PNLDC1: variants seen among roughly 807,000 people sequenced by gnomAD.
The protein encoded by PNLDC1 is PARN like ribonuclease domain containing exonuclease 1, also known as poly(A)-specific ribonuclease PNLDC1.
PNLDC1 carries 70 observed loss-of-function variants against 82.0 expected under a neutral mutation model. The observed-to-expected ratio is 0.85, with a 90% confidence interval of 0.70 to 1.04. The LOEUF (loss-of-function observed/expected upper bound fraction) is 1.04. Among genes scored for constraint, PNLDC1 ranks in the 50% least tolerant of loss-of-function variants. PNLDC1 has a pLI of 0.00. For missense variants in PNLDC1, 631 were observed against 661.1 expected (o/e 0.95, Z 0.50); for synonymous variants, 280 against 249.3 (o/e 1.12, Z -1.16).
At chr6:159,803,697 G>A (rs1448636288) in intron 4 of PNLDC1, among the ~76,000 whole-genome samples, 1 of 152,178 alleles carries the variant, frequency 6.6e-6, no homozygotes, top group East Asian at 1.9e-4. Flanking sequence ...GAGCAGTTGA[G>A]GGTGCCAGCC....
In PNLDC1 at chr6:159,819,147, C is replaced by G. The variant is rs189118089; in HGVS notation, c.1433+26C>G. ...GTAGGTGCCTCTAAGTCCGCGTCCC[C>G]CACCCCTCGTGCGTTCATCCCTGTA... On this transcript the variant is annotated intron_variant, in intron 17 of 18. Transcript: ENST00000392167. This position sits in a 1 kb window ranked among gnomAD's most constrained non-coding sequence, Gnocchi z 4.6. The G allele has an allele frequency of 1.9e-6, 3 of 1,611,904 alleles. No homozygotes were observed. Among genetic ancestry groups the G allele is most frequent in the South Asian group, 1.1e-5 (1 of 90,992 alleles).
At chr6:159,800,252 GGCAGCAC>G (rs1781184841), upstream of PNLDC1, 2 of 790,858 alleles carry the variant, frequency 2.5e-6, no homozygotes, top group African/African-American at 1.2e-4. Context: ...GAAGCGCGTG[GGCAGCAC>G]GTGGGCAGCA....
At chr6:159,805,198 T>G (rs753922764) in intron 6 of PNLDC1, among the ~76,000 whole-genome samples, 9 of 152,178 alleles carry the variant, frequency 5.9e-5, no homozygotes, top group Non-Finnish European at 1.0e-4. Context: ...CAAAACCTCG[T>G]ATTCCTGTAG....
chr6:159,806,354 G>A (rs1781446122), intron 7 of PNLDC1, among the ~76,000 whole-genome samples: 1 of 152,154 alleles, frequency 6.6e-6, no homozygotes, highest in South Asian at 2.1e-4. Flanking sequence ...TTCAGTCCTG[G>A]GTGCCCTGTA....
In PNLDC1 at chr6:159,806,066, CT is replaced by C; in HGVS notation, c.546del (p.Leu183PhefsTer16). The C allele has an allele frequency of 6.2e-7, 1 of 1,613,870 alleles. No individual in the cohort carries two copies. ...CTGGCCAAGGAAGGCGACTGGATGA[CT>C]CTTCCTGGGATCACTGGTAGGCAGG... ...LELAKEGDWM[T>X]LPGITGFQAF... On this transcript the variant is annotated frameshift_variant, in exon 7 of 19. Transcript: ENST00000392167. LOFTEE classifies it high-confidence loss of function.
intron 7 of PNLDC1, among the ~76,000 whole-genome samples, chr6:159,806,849 A>G (rs1046067687): frequency 1.3e-5 from 2 of 151,878 alleles, no homozygotes; most frequent in African/African-American, 4.8e-5. Flanking sequence ...GTGTCAAGGA[A>G]AAGTGCTTGT....
At chr6:159,816,952 A>G (rs1781855712) in intron 14 of PNLDC1, among the ~76,000 whole-genome samples, 157 bp from the exon 15 acceptor site, 1 of 152,232 alleles carries the variant, frequency 6.6e-6, no homozygotes, top group African/African-American at 2.4e-5. Flanking sequence ...GGCATGAGCC[A>G]CCACACCCAG....
upstream of PNLDC1, among the ~76,000 whole-genome samples, chr6:159,799,897 G>C (rs925792357): frequency 2.0e-5 from 3 of 152,166 alleles, no homozygotes; most frequent in African/African-American, 7.2e-5. Context: ...ACCGTGAGCC[G>C]CAGCAAAGGA....
intron 10 of PNLDC1, among the ~76,000 whole-genome samples, chr6:159,810,828 CAATG>C (rs1249487657): frequency 7.2e-5 from 11 of 152,162 alleles, no homozygotes; most frequent in Admixed American, 2.6e-4. Flanking sequence ...CCCCAAGAAA[CAATG>C]AAACACCTGA....
At chr6:159,815,924 T>C (rs1203496277) in intron 12 of PNLDC1, 45 bp from the exon 13 acceptor site, 2 of 1,473,810 alleles carry the variant, frequency 1.4e-6, no homozygotes, top group Non-Finnish European at 1.9e-6. Context: ...AAGAAGGGAT[T>C]ACTTTCAGCA....
chr6:159,812,398 A>G (rs1241086983), intron 11 of PNLDC1, among the ~76,000 whole-genome samples: 1 of 152,192 alleles, frequency 6.6e-6, no homozygotes, highest in Non-Finnish European at 1.5e-5. Context: ...CAACAGAACA[A>G]CTTATTTTAG....
At chr6:159,800,580 T>C (rs979142139) in intron 1 of PNLDC1, 192 bp from the exon 2 acceptor site, 65 of 1,472,016 alleles carry the variant, frequency 4.4e-5, no homozygotes, top group Non-Finnish European at 5.8e-5. Flanking sequence ...CGTCCCTTGT[T>C]GGCCAGAGCC....
intron 4 of PNLDC1, 153 bp downstream of exon 4, chr6:159,803,463 C>G: frequency 1.5e-6 from 1 of 657,280 alleles, no homozygotes; most frequent in East Asian, 2.7e-5. Flanking sequence ...CTGCCCTCTG[C>G]GGATTCCAGC....
intron 5 of PNLDC1, 108 bp from the exon 6 acceptor site, chr6:159,804,441 A>G: frequency 1.3e-6 from 1 of 775,382 alleles, no homozygotes. Context: ...GAACTGGCTT[A>G]TACAGCCCGT....
At chr6:159,800,115 C>G (rs760829635), upstream of PNLDC1, 10 of 529,296 alleles carry the variant, frequency 1.9e-5, no homozygotes, top group East Asian at 1.2e-4. Flanking sequence ...TGTAGCAAAT[C>G]GTACAATTAA....
upstream of PNLDC1, chr6:159,800,166 G>C (rs1193035256): frequency 4.3e-6 from 3 of 701,602 alleles, no homozygotes; most frequent in African/African-American, 5.4e-5. Context: ...GCAGCACACG[G>C]GGAAGCTGGG....
chr6:159,818,171 G>C (rs1781899105), intron 15 of PNLDC1, among the ~76,000 whole-genome samples: 1 of 152,252 alleles, frequency 6.6e-6, no homozygotes, highest in African/African-American at 2.4e-5. Flanking sequence ...GGCAGTGGGA[G>C]GAGGCTGTGG....
intron 7 of PNLDC1, among the ~76,000 whole-genome samples, chr6:159,806,659 CT>C (rs1264990776): frequency 6.6e-6 from 1 of 152,198 alleles, no homozygotes; most frequent in Non-Finnish European, 1.5e-5. Flanking sequence ...ACCACTTACT[CT>C]CAGTTAAAAA....
At chr6:159,818,832 T>A in intron 16 of PNLDC1, 114 bp from the exon 17 acceptor site, 3 of 1,320,762 alleles carry the variant, frequency 2.3e-6, no homozygotes, top group Non-Finnish European at 3.1e-6. Flanking sequence ...TCCTTCCTTC[T>A]CTTCCCCTCC....
Sources: allele counts gnomAD v4.1 joint callset (sites outside exome capture counted in the v4.1 genomes callset), GRCh38; gene constraint gnomAD v4.1.1; non-coding constraint Gnocchi (gnomAD v3.1); transcripts MANE v1.5; gene names NCBI Gene and HGNC (gene_info 2026-07-23, HGNC 2026-07-21).